The following NCBP2L variants were observed in gnomAD, a reference collection of about 807,000 sequenced individuals.
NCBP2L encodes nuclear cap-binding protein subunit 2-like.
For missense variants in NCBP2L, 95 were observed against 53.1 expected (o/e 1.79, Z -2.45); for synonymous variants, 39 against 19.2 (o/e 2.04, Z -2.70).
intron 1 of NCBP2L, among the ~76,000 whole-genome samples, chrX:107,781,005 C>T (rs1930258004): frequency 9.1e-6 from 1 of 110,338 alleles, no homozygotes; most frequent in Non-Finnish European, 1.9e-5. Context: ...CAGCTCACTA[C>T]AGTCTCGACC....
intron 1 of NCBP2L, among the ~76,000 whole-genome samples, chrX:107,790,309 C>T (rs1930434361): frequency 8.9e-6 from 1 of 112,072 alleles, no homozygotes; most frequent in Non-Finnish European, 1.9e-5. Flanking sequence ...ATTCAAATAG[C>T]TCCGTAACTG....
intron 1 of NCBP2L, among the ~76,000 whole-genome samples, chrX:107,778,457 TA>T (rs1266287758): frequency 8.9e-6 from 1 of 112,449 alleles, no homozygotes; most frequent in African/African-American, 3.2e-5. Flanking sequence ...AATTGAGATA[TA>T]AAAAAACTAC....
At chrX:107,782,781 T>C (rs1329648741) in intron 1 of NCBP2L, among the ~76,000 whole-genome samples, 1 of 108,710 alleles carries the variant, frequency 9.2e-6, no homozygotes, top group Non-Finnish European at 1.9e-5. Context: ...TTATCACAAA[T>C]GGCAGGATTT....
chrX:107,787,634 C>A (rs779340987), intron 1 of NCBP2L, among the ~76,000 whole-genome samples: 60 of 112,249 alleles, frequency 5.3e-4, no homozygotes, highest in African/African-American at 1.9e-3. Context: ...CAGTCTCAAT[C>A]AGACATGAAT....
At chrX:107,778,738 G>A (rs146042999) in intron 1 of NCBP2L, among the ~76,000 whole-genome samples, 2 of 112,355 alleles carry the variant, frequency 1.8e-5, no homozygotes, top group East Asian at 2.8e-4. Context: ...AGGGTATAAG[G>A]GGCATCTCTT....
chrX:107,784,139 A>G (rs780965878), intron 1 of NCBP2L, among the ~76,000 whole-genome samples: 1 of 111,795 alleles, frequency 8.9e-6, no homozygotes, highest in Non-Finnish European at 1.9e-5. Flanking sequence ...GTGGATGTAT[A>G]ACACTTGGTA....
chrX:107,793,660 A>T (rs1032720697), intron 1 of NCBP2L, among the ~76,000 whole-genome samples: 1 of 112,031 alleles, frequency 8.9e-6, no homozygotes, highest in African/African-American at 3.2e-5. Context: ...ATAGGGACCC[A>T]TTGTGTAACC....
chrX:107,791,571 A>G (rs1029353757), intron 1 of NCBP2L, among the ~76,000 whole-genome samples: 3 of 112,367 alleles, frequency 2.7e-5, no homozygotes, highest in Admixed American at 9.4e-5. Flanking sequence ...AGTACTATCC[A>G]TCAATTATCT....
In NCBP2L at chrX:107,794,800, T is replaced by G. The variant is rs1930498930; in HGVS notation, c.*118T>G. 4 of 395,840 alleles carry G rather than the reference T, an allele frequency of 1.0e-5. No individual in the cohort carries two copies. Among genetic ancestry groups the G allele is most frequent in the Non-Finnish European group, 1.8e-5 (4 of 222,252 alleles). The allele number at this position is 395,840 out of a possible 1,213,427, so 32.6% of individuals were successfully genotyped here. Reference sequence around the variant, plus strand: ...AATTACCTTACTTGTTGATGTATTTTTTTCTCTGAAAATTTGTTAAATAGC... The same window carrying G: ...AATTACCTTACTTGTTGATGTATTTGTTTCTCTGAAAATTTGTTAAATAGC... On this transcript the variant is annotated 3_prime_UTR_variant, in exon 2 of 2. Coordinates refer to ENST00000509000, the MANE Select transcript of NCBP2L (RefSeq NM_001348372.2).
intron 1 of NCBP2L, among the ~76,000 whole-genome samples, chrX:107,793,316 G>A (rs1176276767): frequency 3.6e-5 from 4 of 110,864 alleles, no homozygotes; most frequent in Admixed American, 9.6e-5. Flanking sequence ...TTTTAATCTC[G>A]TTTTGCGGTG....
In NCBP2L at chrX:107,795,359, G is replaced by T. The variant is rs1215670913; in HGVS notation, c.*677G>T. 1 of 111,533 alleles carries T rather than the reference G, an allele frequency of 9.0e-6. No homozygotes were observed. Among genetic ancestry groups the T allele is most frequent in the East Asian group, 2.8e-4 (1 of 3,581 alleles). The allele number at this position is 111,533 out of a possible 1,213,427, so 9.2% of individuals were successfully genotyped here. A position where few individuals can be genotyped will look rare whatever the true frequency, so the allele number is the denominator to read the frequency against. ...ATTTAGCTCACTTACACCCCCATTT[G>T]CACTTCTCTACTCTCCATCCTCTCA... On this transcript the variant is annotated 3_prime_UTR_variant, in exon 2 of 2. Transcript: ENST00000509000.
At position 107,787,756 on chromosome X, in the gene NCBP2L, C is replaced by T. The variant is rs149654409; in HGVS notation, c.-72-6393C>T. On this transcript the variant is annotated intron_variant, in intron 1 of 1. Transcript: ENST00000509000. ...TATAAAGGTAAGGCATGTAGTAACA[C>T]TACTGTCCCAGCGCTTTCTAATTTC... Among the ~76,000 whole-genome samples the T allele has an allele frequency of 8.8e-3, 986 of 111,952 alleles. 12 individuals carry two copies. The highest frequency in any genetic ancestry group is 0.03 in the African/African-American group (926 of 30,823).
rs774953236 is a variant in NCBP2L, at chrX:107,794,705, TTAACTC to T, written c.*28_*33del. Reference sequence around the variant, plus strand: ...TAGAACAATCCATAGAGAAAAAGTTTTAACTCTAACCCCTTGAAAAGTGTGTTATAG... The same window carrying T: ...TAGAACAATCCATAGAGAAAAAGTTTTAACCCCTTGAAAAGTGTGTTATAG... On this transcript the variant is annotated 3_prime_UTR_variant, in exon 2 of 2. Coordinates refer to ENST00000509000, the MANE Select transcript of NCBP2L (RefSeq NM_001348372.2). The T allele has an allele frequency of 7.6e-5, 42 of 550,600 alleles. No homozygotes were observed. In the East Asian group the frequency reaches 1.3e-3, roughly 17 times the overall value. 45.4% of individuals were successfully genotyped at this position (550,600 alleles called of 1,213,427 possible). A position where few individuals can be genotyped will look rare whatever the true frequency, so the allele number is the denominator to read the frequency against.
rs1221991017 is a variant in NCBP2L at position 107,795,387 on chromosome X, A to G, written c.*705A>G. 9.0e-6 allele frequency: 1 copy of G among 111,707 alleles called. No individual in the cohort carries two copies. The highest frequency in any genetic ancestry group is 1.9e-5 in the Non-Finnish European group (1 of 53,164). The allele number at this position is 111,707 out of a possible 1,213,427, so 9.2% of individuals were successfully genotyped here. ...CTTCTCTACTCTCCATCCTCTCAAT[A>G]TAGTTCACAACACTTTACAGAGGGT... On this transcript the variant is annotated 3_prime_UTR_variant, in exon 2 of 2. Transcript: ENST00000509000.
At chrX:107,794,084 T>C (rs187683109) in intron 1 of NCBP2L, 65 bp from the exon 2 acceptor site, 1 of 425,320 alleles carries the variant, frequency 2.4e-6, no homozygotes, top group African/African-American at 2.5e-5. Context: ...ATATGTTAAA[T>C]ATTCACAGGT....
chrX:107,782,182 A>T (rs868524362), intron 1 of NCBP2L, among the ~76,000 whole-genome samples: 277 of 24,811 alleles, frequency 0.011, 9 homozygotes, highest in African/African-American at 0.069. Flanking sequence ...TATATATATA[A>T]ATATATATAT....
rs1235145098 is a variant in NCBP2L at position 107,794,282 on chromosome X, A to T, written c.62A>T (p.Asp21Val). The T allele has an allele frequency of 1.8e-6, 1 of 568,926 alleles. No homozygotes were observed. The highest frequency in any genetic ancestry group is 2.2e-5 in the Admixed American group (1 of 45,065). 46.9% of individuals were successfully genotyped at this position (568,926 alleles called of 1,213,427 possible). The change falls in exon 2 of 2, where the codon GAC (aspartate) becomes GTC (valine). Residue 21 changes from aspartate to valine, a missense_variant. Coordinates refer to ENST00000509000, the MANE Select transcript of NCBP2L (RefSeq NM_001348372.2). The part of the protein sequence containing the change: ...DPALELSCYR[D>V]HQFSGRKFQQ... ...GCTTTGGAGCTGAGCTGCTACCGGG[A>T]CCATCAGTTCAGTGGCCGTAAATTT...
intron 1 of NCBP2L, among the ~76,000 whole-genome samples, chrX:107,784,203 C>G (rs762811380): frequency 9.0e-6 from 1 of 111,622 alleles, no homozygotes; most frequent in African/African-American, 3.3e-5. Flanking sequence ...TGTTACCTGA[C>G]CTTTTCAAAC....
intron 1 of NCBP2L, among the ~76,000 whole-genome samples, chrX:107,779,045 G>A (rs1027928084): frequency 9.0e-6 from 1 of 111,455 alleles, no homozygotes; most frequent in Admixed American, 9.5e-5. Flanking sequence ...AGAGGCTTGG[G>A]GCTGAGAACA....
Sources: gnomAD v4.1 joint callset for allele counts (sites outside exome capture counted in the v4.1 genomes callset) on GRCh38, gnomAD v4.1.1 for gene constraint, MANE v1.5 for transcripts, NCBI Gene and HGNC (gene_info 2026-07-23, HGNC 2026-07-21) for gene names.